ELP3: variants seen among roughly 807,000 people sequenced by gnomAD.
The protein encoded by ELP3 is elongator complex protein 3.
Under a neutral mutation model 74.9 loss-of-function variants are expected in ELP3, and 56 were observed. The ratio of observed to expected loss-of-function variants is 0.75; its 90% CI spans 0.60 to 0.93. ELP3 has a LOEUF of 0.93. Ranked by LOEUF, ELP3 falls within the 40% of genes least tolerant of loss-of-function variation. ELP3 has a pLI of 0.00. For synonymous variants in ELP3, 222 were observed against 239.8 expected (o/e 0.93, Z 0.68); for missense variants, 573 against 686.5 (o/e 0.83, Z 1.85).
intron 14 of ELP3, among the ~76,000 whole-genome samples, chr8:28,182,279 G>C (rs780042428): frequency 6.6e-6 from 1 of 152,098 alleles, no homozygotes; most frequent in South Asian, 2.1e-4. Context: ...CTAGGTTTGC[G>C]GCCGGGCACA....
At chr8:28,104,569 G>A (rs956822198) in intron 3 of ELP3, among the ~76,000 whole-genome samples, 2 of 152,132 alleles carry the variant, frequency 1.3e-5, no homozygotes, top group Non-Finnish European at 2.9e-5. Flanking sequence ...TTTGGACTCC[G>A]TTATCTTAAC....
chr8:28,180,839 G>A (rs895860997), intron 14 of ELP3, among the ~76,000 whole-genome samples: 2 of 152,140 alleles, frequency 1.3e-5, no homozygotes, highest in Non-Finnish European at 2.9e-5. Context: ...GGGGTGCTAT[G>A]CTTGGGTCCC....
At chr8:28,139,478 G>A (rs1265901950) in intron 10 of ELP3, among the ~76,000 whole-genome samples, 3 of 151,760 alleles carry the variant, frequency 2.0e-5, no homozygotes, top group East Asian at 3.9e-4. Flanking sequence ...TCATATCTTC[G>A]GATTCTGCAT....
chr8:28,186,407 G>A lies in ELP3; in HGVS notation c.1568-3242G>A, dbSNP rs887981422. On this transcript the variant is annotated intron_variant, in intron 14 of 14. Transcript: ENST00000256398. ...TTTGGGACTGATTAATTCAGGGTTC[G>A]GCAATTTCAAAAAGGAGCCAGGTGG... is the stretch of plus-strand genomic sequence containing the variant. Among the ~76,000 whole-genome samples the A allele has an allele frequency of 6.6e-5, 10 of 152,256 alleles. No homozygotes were observed. The South Asian group carries it at 1.5e-3, about 22-fold the overall frequency.
chr8:28,127,807 C>T (rs1423762953), intron 7 of ELP3, among the ~76,000 whole-genome samples: 1 of 152,096 alleles, frequency 6.6e-6, no homozygotes, highest in Non-Finnish European at 1.5e-5. Context: ...ACCTTTAGTC[C>T]TGTTGCCTGT....
At chr8:28,141,136 C>T (rs867580776) in intron 10 of ELP3, among the ~76,000 whole-genome samples, 1 of 152,144 alleles carries the variant, frequency 6.6e-6, no homozygotes, top group African/African-American at 2.4e-5. Context: ...AGTATCTCCC[C>T]CACCATACTT....
chr8:28,116,986 T>C (rs1444185232), intron 7 of ELP3, among the ~76,000 whole-genome samples: 2 of 152,186 alleles, frequency 1.3e-5, no homozygotes, highest in Non-Finnish European at 2.9e-5. Context: ...TTCATTCAGC[T>C]CTGAAAATTC....
At chr8:28,141,742 A>G (rs1373160773) in intron 10 of ELP3, among the ~76,000 whole-genome samples, 1 of 152,224 alleles carries the variant, frequency 6.6e-6, no homozygotes, top group Non-Finnish European at 1.5e-5. Flanking sequence ...AATCTAAACT[A>G]ATACACTAGA....
In ELP3 at chr8:28,178,542, C is replaced by G. The variant is rs754765247; in HGVS notation, c.1568-11107C>G. Among the ~76,000 whole-genome samples the G allele has an allele frequency of 3.9e-5, 6 of 152,242 alleles. No individual in the cohort carries two copies. The South Asian group carries it at 1.2e-3, about 32-fold the overall frequency. On this transcript the variant is annotated intron_variant, in intron 14 of 14. Transcript: ENST00000256398. ...TTCCTTTTCATTGATATATGGGATT[C>G]CATTATGCTGATAGTTCACGATTTA...
chr8:28,179,429 T>C (rs867191054), intron 14 of ELP3, among the ~76,000 whole-genome samples: 1 of 152,224 alleles, frequency 6.6e-6, no homozygotes, highest in South Asian at 2.1e-4. Context: ...GTCTTTACTT[T>C]GCATTATTAT....
intron 7 of ELP3, among the ~76,000 whole-genome samples, chr8:28,121,624 A>G (rs1247506304): frequency 1.3e-5 from 2 of 151,968 alleles, no homozygotes; most frequent in Non-Finnish European, 2.9e-5. Flanking sequence ...CCGGCCATAA[A>G]TTTCATTTTT....
At chr8:28,097,408 GT>G in intron 2 of ELP3, 90 bp downstream of exon 2, 1 of 777,092 alleles carries the variant, frequency 1.3e-6, no homozygotes, top group African/African-American at 1.8e-5. Context: ...TCCAGCTCAA[GT>G]TTTATTTTAG....
intron 14 of ELP3, among the ~76,000 whole-genome samples, 173 bp downstream of exon 14, chr8:28,162,251 G>T (rs746522028): frequency 5.9e-5 from 9 of 152,196 alleles, no homozygotes; most frequent in Non-Finnish European, 1.2e-4. Flanking sequence ...CAGTTTAGTG[G>T]AATAGAGATT....
At chr8:28,184,798 C>T (rs1292301693) in intron 14 of ELP3, among the ~76,000 whole-genome samples, 1 of 152,086 alleles carries the variant, frequency 6.6e-6, no homozygotes, top group Non-Finnish European at 1.5e-5. Context: ...AAACATGTCT[C>T]CAGGAACTGA....
chr8:28,168,646 C>T (rs553160158), intron 14 of ELP3, among the ~76,000 whole-genome samples: 1 of 152,272 alleles, frequency 6.6e-6, no homozygotes, highest in African/African-American at 2.4e-5. Flanking sequence ...AGGAAGCAAG[C>T]CCTCTCCAAA....
rs1245086293 is a variant in ELP3 at position 28,113,061 on chromosome 8, G to T, written c.505G>T (p.Val169Leu). 2 of 1,613,780 alleles carry T rather than the reference G, an allele frequency of 1.2e-6. No homozygotes were observed. Among genetic ancestry groups the T allele is most frequent in the African/African-American group, 2.7e-5 (2 of 74,906 alleles). Residue 169 changes from valine (V) to leucine (L), a missense_variant, in exon 7 of 15, where the codon GTG (valine) becomes TTG (leucine). By Grantham distance (32) the Val-to-Leu change is conservative. Transcript: ENST00000256398. ...TAGTGTGGATAAAGTGGAGTTTATT[G>T]TGATGGGTGGAACGTTTATGGCCCT... ...GHSVDKVEFIVMGGTFMALPE... is the reference protein window; with the variant it reads ...GHSVDKVEFILMGGTFMALPE...
chr8:28,117,881 CAG>C (rs1201729247), intron 7 of ELP3, among the ~76,000 whole-genome samples: 4 of 152,116 alleles, frequency 2.6e-5, no homozygotes, highest in African/African-American at 7.2e-5. Flanking sequence ...GAACTAGAGA[CAG>C]AAAGTATTTT....
chr8:28,099,448 C>T (rs1001663582), intron 2 of ELP3, among the ~76,000 whole-genome samples: 5 of 152,104 alleles, frequency 3.3e-5, no homozygotes, highest in Non-Finnish European at 1.5e-5. Flanking sequence ...TCCCTCAATT[C>T]GCTGGCCACC....
At chr8:28,133,574 T>G (rs1450014708) in intron 9 of ELP3, among the ~76,000 whole-genome samples, 1 of 152,158 alleles carries the variant, frequency 6.6e-6, no homozygotes, top group Non-Finnish European at 1.5e-5. Context: ...ATGAGATTGG[T>G]CAGGCCTTTT....
Sources: allele counts gnomAD v4.1 joint callset (sites outside exome capture counted in the v4.1 genomes callset), GRCh38; gene constraint gnomAD v4.1.1; transcripts MANE v1.5; gene names NCBI Gene and HGNC (gene_info 2026-07-23, HGNC 2026-07-21).